The following PDLIM5 variants were observed in gnomAD, a reference collection of about 807,000 sequenced individuals.
PDLIM5 encodes PDZ and LIM domain protein 5.
A neutral mutation model predicts 64.2 loss-of-function variants in PDLIM5; 34 were observed. That is an observed-to-expected ratio of 0.53 (90% CI 0.40 to 0.71). PDLIM5 has a LOEUF of 0.71. Ranked by LOEUF, PDLIM5 falls within the 30% of genes least tolerant of loss-of-function variation. The pLI, the probability that PDLIM5 is intolerant of heterozygous loss-of-function variation, is 0.00. For missense variants in PDLIM5, 683 were observed against 733.6 expected (o/e 0.93, Z 0.80); for synonymous variants, 253 against 269.1 (o/e 0.94, Z 0.59).
chr4:94,549,091 G>A (rs1433607089), intron 3 of PDLIM5, among the ~76,000 whole-genome samples: 1 of 152,094 alleles, frequency 6.6e-6, no homozygotes, highest in Non-Finnish European at 1.5e-5. Flanking sequence ...TCCAATACTT[G>A]TTTGTAGAAA....
rs150266547 is a variant in PDLIM5 at position 94,649,274 on chromosome 4, C to T, written c.1284-5186C>T. 9.8e-3 allele frequency among the ~76,000 whole-genome samples: 1,493 copies of T among 152,116 alleles called. 40 individuals are homozygous for T. The highest frequency in any genetic ancestry group is 0.055 in the Admixed American group (837 of 15,266). ...TACAGGCGTGAGCCACCATGCCTGGCCTAGGGGATGTAATTGTATCTGCAC... is the reference window on the plus strand; with the variant it reads ...TACAGGCGTGAGCCACCATGCCTGGTCTAGGGGATGTAATTGTATCTGCAC... On this transcript the variant is annotated intron_variant, in intron 9 of 12. Transcript: ENST00000317968.
At chr4:94,516,771 A>G (rs1729398945) in intron 2 of PDLIM5, among the ~76,000 whole-genome samples, 1 of 152,120 alleles carries the variant, frequency 6.6e-6, no homozygotes. Context: ...GGCTCAAGCG[A>G]TCCTCCCACC....
At chr4:94,566,549 C>T (rs1466343710) in intron 3 of PDLIM5, among the ~76,000 whole-genome samples, 1 of 152,210 alleles carries the variant, frequency 6.6e-6, no homozygotes, top group Non-Finnish European at 1.5e-5. Context: ...ATGTTACATA[C>T]ATTACCTCAT....
chr4:94,512,525 T>C (rs962625165), intron 2 of PDLIM5, among the ~76,000 whole-genome samples: 2 of 152,214 alleles, frequency 1.3e-5, no homozygotes, highest in Non-Finnish European at 2.9e-5. Flanking sequence ...TGATGATCAG[T>C]GTTGAGCACC....
At chr4:94,614,682 C>A (rs1738632153) in intron 7 of PDLIM5, among the ~76,000 whole-genome samples, 1 of 152,158 alleles carries the variant, frequency 6.6e-6, no homozygotes, top group Admixed American at 6.5e-5. Flanking sequence ...TTATAGTCTA[C>A]TCCAAGCCCT....
At chr4:94,576,545 G>A (rs538210358) in intron 5 of PDLIM5, among the ~76,000 whole-genome samples, 1 of 152,348 alleles carries the variant, frequency 6.6e-6, no homozygotes, top group Admixed American at 6.5e-5. Flanking sequence ...GCTTAGAGCA[G>A]AGAGCTAACA....
At chr4:94,486,667 A>C (rs1479984684) in intron 2 of PDLIM5, among the ~76,000 whole-genome samples, 1 of 152,128 alleles carries the variant, frequency 6.6e-6, no homozygotes. Flanking sequence ...TGGGAAGTGA[A>C]CACGATGCTT....
In PDLIM5 at chr4:94,608,925, G is replaced by A. The variant is rs143845077; in HGVS notation, c.921-9079G>A. 2.0e-3 allele frequency among the ~76,000 whole-genome samples: 297 copies of A among 152,172 alleles called. 3 individuals are homozygous for A. The highest frequency in any genetic ancestry group is 6.9e-3 in the African/African-American group (285 of 41,536). ...CTTTTCTAACCATTCATTAACAGTT[G>A]TTAAAACTTAGCCATACAGTTTAAT... On this transcript the variant is annotated intron_variant, in intron 7 of 12. Coordinates refer to ENST00000317968, the MANE Select transcript of PDLIM5 (RefSeq NM_006457.5).
At chr4:94,496,823 A>G (rs1727444808) in intron 2 of PDLIM5, among the ~76,000 whole-genome samples, 1 of 152,182 alleles carries the variant, frequency 6.6e-6, no homozygotes, top group South Asian at 2.1e-4. Context: ...TGAACTGACA[A>G]TTCACTGCTA....
chr4:94,574,554 C>A (rs1362631282), intron 4 of PDLIM5, among the ~76,000 whole-genome samples: 2 of 146,048 alleles, frequency 1.4e-5, no homozygotes, highest in African/African-American at 2.5e-5. Flanking sequence ...TAAAATTAAA[C>A]AGTAGAACCA....
At chr4:94,498,048 C>T (rs1462702889) in intron 2 of PDLIM5, among the ~76,000 whole-genome samples, 1 of 152,186 alleles carries the variant, frequency 6.6e-6, no homozygotes, top group African/African-American at 2.4e-5. Context: ...CACTGCTTAG[C>T]TAAACCTAGA....
Position 94,667,841 on chromosome 4 carries a change from A to G in PDLIM5, c.*3774A>G, listed in dbSNP as rs1743152734. ...ATTAGGAGCCCTTTTATAGAAAATAATTTCTTCTTTACCCCCGTTCCAGTG... is the reference window on the plus strand; with the variant it reads ...ATTAGGAGCCCTTTTATAGAAAATAGTTTCTTCTTTACCCCCGTTCCAGTG... On this transcript the variant is annotated 3_prime_UTR_variant, in exon 13 of 13. Transcript: ENST00000317968. The G allele has an allele frequency of 6.6e-6, 1 of 152,116 alleles. No individual in the cohort carries two copies. Among genetic ancestry groups the G allele is most frequent in the African/African-American group, 2.4e-5 (1 of 41,412 alleles). The allele number at this position is 152,116 out of a possible 1,614,324, so 9.4% of individuals were successfully genotyped here. A position where few individuals can be genotyped will look rare whatever the true frequency, so the allele number is the denominator to read the frequency against.
rs565514981 is a variant in PDLIM5 at position 94,541,137 on chromosome 4, T to A, written c.248+17262T>A. Among the ~76,000 whole-genome samples the A allele has an allele frequency of 3.3e-5, 5 of 152,310 alleles. No homozygotes were observed. The South Asian group carries it at 1.0e-3, about 32-fold the overall frequency. ...TAAGAAGGTCAGAGCTGGAACCTCT[T>A]ATGCCATTACACTTTCTCTCTTTAG... On this transcript the variant is annotated intron_variant, in intron 3 of 12. Transcript: ENST00000317968.
chr4:94,635,476 G>C (rs1253097778), intron 8 of PDLIM5, among the ~76,000 whole-genome samples: 4 of 151,994 alleles, frequency 2.6e-5, no homozygotes. Flanking sequence ...AAAAAAAACT[G>C]TGATGACAAG....
intron 2 of PDLIM5, among the ~76,000 whole-genome samples, chr4:94,514,059 C>G (rs768459125): frequency 7.2e-5 from 11 of 151,888 alleles, no homozygotes; most frequent in Non-Finnish European, 1.3e-4. Flanking sequence ...TCCTTGCATC[C>G]CAGGGATAAA....
At chr4:94,574,126 A>G (rs1213081464) in intron 4 of PDLIM5, among the ~76,000 whole-genome samples, 1 of 152,232 alleles carries the variant, frequency 6.6e-6, no homozygotes, top group Non-Finnish European at 1.5e-5. Context: ...AGCTGTCTAA[A>G]TAAGGGATAC....
At chr4:94,623,343 T>C (rs544217970) in intron 8 of PDLIM5, among the ~76,000 whole-genome samples, 11 of 152,268 alleles carry the variant, frequency 7.2e-5, no homozygotes, top group Admixed American at 7.2e-4. Context: ...GGCACACACT[T>C]TTCTGCTTTG....
At chr4:94,587,077 C>A in intron 7 of PDLIM5, 2 of 1,606,310 alleles carry the variant, frequency 1.2e-6, no homozygotes, top group Non-Finnish European at 1.7e-6. Flanking sequence ...TCTTAACGTA[C>A]AGTGATTTAT....
At chr4:94,613,390 T>G (rs1693818961) in intron 7 of PDLIM5, among the ~76,000 whole-genome samples, 1 of 152,238 alleles carries the variant, frequency 6.6e-6, no homozygotes, top group African/African-American at 2.4e-5. Flanking sequence ...AATCTGTATC[T>G]GAGCTTTATT....
Sources: allele counts gnomAD v4.1 joint callset (sites outside exome capture counted in the v4.1 genomes callset), GRCh38; gene constraint gnomAD v4.1.1; transcripts MANE v1.5; gene names NCBI Gene and HGNC (gene_info 2026-07-23, HGNC 2026-07-21).